USP24: variants seen among roughly 807,000 people sequenced by gnomAD.
The protein encoded by USP24 is ubiquitin specific peptidase 24.
Under a neutral mutation model 361.6 loss-of-function variants are expected in USP24, and 97 were observed. That is an observed-to-expected ratio of 0.27 (90% CI 0.23 to 0.32). The LOEUF (loss-of-function observed/expected upper bound fraction) is 0.32. Among genes scored for constraint, USP24 ranks in the 10% least tolerant of loss-of-function variants. The pLI is 1.00. For missense variants in USP24, 2,353 were observed against 3,165.6 expected, an observed-to-expected ratio of 0.74 and a Z score of 6.16; for synonymous variants, 1,098 against 1,124.6, an observed-to-expected ratio of 0.98 and a Z score of 0.47.
At chr1:55,151,142 A>T (rs12095591) in intron 16 of USP24, among the ~76,000 whole-genome samples, 187 of 151,950 alleles carry the variant, frequency 1.2e-3, no homozygotes, top group African/African-American at 4.3e-3. Flanking sequence ...CATAAAAAGT[A>T]AGTTGAATGA....
At chr1:55,070,168 C>T (rs1311003277) in intron 67 of USP24, among the ~76,000 whole-genome samples, 1 of 151,944 alleles carries the variant, frequency 6.6e-6, no homozygotes, top group African/African-American at 2.4e-5. Flanking sequence ...GACGGAGGGC[C>T]AGCTTTGGTG....
At chr1:55,183,359 A>G (rs902292409) in intron 1 of USP24, among the ~76,000 whole-genome samples, 7 of 152,216 alleles carry the variant, frequency 4.6e-5, no homozygotes, top group Non-Finnish European at 7.3e-5. Context: ...TGCACATTAT[A>G]TATGTCTGTA....
intron 51 of USP24, among the ~76,000 whole-genome samples, chr1:55,094,393 G>T (rs1645448663): frequency 6.6e-6 from 1 of 151,878 alleles, no homozygotes; most frequent in African/African-American, 2.4e-5. Context: ...AGCACAAAAT[G>T]AATTCTTCCT....
chr1:55,179,501 A>G (rs1643899851), intron 1 of USP24, among the ~76,000 whole-genome samples: 1 of 152,170 alleles, frequency 6.6e-6, no homozygotes, highest in Non-Finnish European at 1.5e-5. Flanking sequence ...GCAACTGCCT[A>G]TTTGACATCT....
intron 41 of USP24, among the ~76,000 whole-genome samples, chr1:55,104,564 T>TAGA (rs1645723522): frequency 1.3e-5 from 2 of 152,202 alleles, no homozygotes; most frequent in Non-Finnish European, 2.9e-5. Context: ...TCAAAGGCTT[T>TAGA]CTACACTGCC....
At chr1:55,110,327 TA>T (rs748028195) in intron 38 of USP24, 81 bp from the exon 39 acceptor site, 10 of 1,169,590 alleles carry the variant, frequency 8.5e-6, no homozygotes, top group Non-Finnish European at 1.2e-5. Context: ...AACAAATTCA[TA>T]AAACAAGTGA....
At chr1:55,136,847 A>C (rs917538743) in intron 28 of USP24, among the ~76,000 whole-genome samples, 9 of 152,186 alleles carry the variant, frequency 5.9e-5, no homozygotes, top group African/African-American at 2.2e-4. Flanking sequence ...GTAGACACTT[A>C]AGAGATGTTA....
chr1:55,189,576 T>C (rs970525549), intron 1 of USP24, among the ~76,000 whole-genome samples: 1 of 152,124 alleles, frequency 6.6e-6, no homozygotes, highest in African/African-American at 2.4e-5. Context: ...TGGCAGGAGA[T>C]AGAAAAAGAC....
chr1:55,086,212 C>T (rs893530772), intron 55 of USP24, 174 bp from the exon 56 acceptor site: 16 of 621,164 alleles, frequency 2.6e-5, no homozygotes, highest in Admixed American at 5.6e-5. Flanking sequence ...CTTATTCCTG[C>T]TAACTGTAAT....
rs140666920 is a variant in USP24, at chr1:55,142,810, G to A, written c.2581-15C>T. On this transcript the variant is annotated splice_polypyrimidine_tract_variant and intron_variant, in intron 22 of 67. Coordinates refer to ENST00000294383, the MANE Select transcript of USP24 (RefSeq NM_015306.3). Reference sequence around the variant, plus strand: ...GATACTGAATCCTGAAAGAGTATATGGAAATTACAATTAGTCCTTGACATT... The same window carrying A: ...GATACTGAATCCTGAAAGAGTATATAGAAATTACAATTAGTCCTTGACATT... 443 of 1,512,350 alleles carry A rather than the reference G, an allele frequency of 2.9e-4. 2 individuals carry two copies. In the African/African-American group the frequency reaches 5.9e-3, roughly 20 times the overall value. The allele number at this position is 1,512,350 out of a possible 1,614,324, so 93.7% of individuals were successfully genotyped here. A position where few individuals can be genotyped will look rare whatever the true frequency, so the allele number is the denominator to read the frequency against.
chr1:55,185,581 G>A (rs955942821), intron 1 of USP24, among the ~76,000 whole-genome samples: 38 of 151,980 alleles, frequency 2.5e-4, no homozygotes, highest in Non-Finnish European at 1.0e-4. Context: ...TTATTTTTGA[G>A]ACAGAGTCTT....
Position 55,079,557 on chromosome 1 carries a change from C to G in USP24, c.7181G>C (p.Gly2394Ala), listed in dbSNP as rs199520748. Residue 2394 changes from glycine (G) to alanine (A), a missense_variant, in exon 60 of 68, where the codon GGG (glycine) becomes GCG (alanine). Gly to Ala is a moderately conservative substitution (Grantham distance 60). Around this residue, in one of 8 missense-constraint regions of USP24, gnomAD observed 598 missense variants for 761.9 expected, o/e 0.78. Coordinates refer to ENST00000294383, the MANE Select transcript of USP24 (RefSeq NM_015306.3). Reference protein sequence around the residue: ...EVEALLFMSEGKPYLLEVMFA... With the variant: ...EVEALLFMSEAKPYLLEVMFA... ...ACATACCTCTAACAGGTAAGGTTTC[C>G]CTTCAGACATGAACAACAAGGCTTC... The G allele has an allele frequency of 2.0e-4, 309 of 1,575,028 alleles. 10 individuals are homozygous for G. In the East Asian group the frequency reaches 2.7e-3, roughly 14 times the overall value.
intron 16 of USP24, among the ~76,000 whole-genome samples, chr1:55,149,809 A>G (rs1647142890): frequency 6.6e-6 from 1 of 152,224 alleles, no homozygotes; most frequent in Non-Finnish European, 1.5e-5. Context: ...AGGTAGTACC[A>G]AACAAGAATG....
intron 8 of USP24, 43 bp from the exon 9 acceptor site, chr1:55,159,728 C>A: frequency 6.7e-7 from 1 of 1,493,430 alleles, no homozygotes; most frequent in Non-Finnish European, 9.1e-7. Flanking sequence ...CCGAAGCTGT[C>A]CCAAAAGTAG....
At chr1:55,085,698 T>C (rs1366201162) in intron 56 of USP24, among the ~76,000 whole-genome samples, 6 of 152,208 alleles carry the variant, frequency 3.9e-5, no homozygotes, top group Non-Finnish European at 5.9e-5. Context: ...GGAGTGTTTC[T>C]AGAGAGAAAA....
intron 1 of USP24, among the ~76,000 whole-genome samples, chr1:55,184,774 T>C (rs990927871): frequency 6.6e-6 from 1 of 151,978 alleles, no homozygotes; most frequent in African/African-American, 2.4e-5. Context: ...CAGAAGGAAA[T>C]ATGGAAAATT....
chr1:55,107,218 A>AT, intron 40 of USP24, 21 bp downstream of exon 40: 1 of 1,600,016 alleles, frequency 6.2e-7, no homozygotes, highest in Non-Finnish European at 8.5e-7. Context: ...CTGCCATGTG[A>AT]TAAGATGGAG....
chr1:55,178,426 T>C (rs2100826138), intron 1 of USP24, among the ~76,000 whole-genome samples: 1 of 152,238 alleles, frequency 6.6e-6, no homozygotes, highest in Admixed American at 6.5e-5. Flanking sequence ...CCCAGCACTT[T>C]GGGAGGCCGA....
chr1:55,087,254 C>T (rs1470121962), intron 55 of USP24, among the ~76,000 whole-genome samples: 3 of 152,182 alleles, frequency 2.0e-5, no homozygotes, highest in East Asian at 3.9e-4. Flanking sequence ...AGTGATTGGT[C>T]TTTATAAAGA....
Sources: gnomAD v4.1 joint callset for allele counts (sites outside exome capture counted in the v4.1 genomes callset) on GRCh38, gnomAD v4.1.1 for gene constraint, gnomAD v4.1.1 regional missense constraint, MANE v1.5 for transcripts, NCBI Gene and HGNC (gene_info 2026-07-23, HGNC 2026-07-21) for gene names.